The following ASTN2 variants were observed in gnomAD, a reference collection of about 807,000 sequenced individuals.
The protein encoded by ASTN2 is astrotactin 2, also known as astrotactin-2.
ASTN2 carries 54 observed loss-of-function variants against 139.8 expected under a neutral mutation model. The ratio of observed to expected loss-of-function variants is 0.39; its 90% CI spans 0.31 to 0.48. The LOEUF (loss-of-function observed/expected upper bound fraction) is 0.48. ASTN2 is among the 20% of genes least tolerant of loss of function. The probability of loss-of-function intolerance (pLI) is 0.95; values close to 1 mark genes in which losing one functional copy is unlikely to be tolerated. For missense variants in ASTN2, 1,565 were observed against 1,725.1 expected (o/e 0.91, Z 1.64); for synonymous variants, 756 against 719.5 (o/e 1.05, Z -0.81).
intron 3 of ASTN2, among the ~76,000 whole-genome samples, chr9:117,208,887 A>G (rs1221150929): frequency 6.6e-6 from 1 of 152,198 alleles, no homozygotes; most frequent in Non-Finnish European, 1.5e-5. Flanking sequence ...TATCCTTCAG[A>G]AATGAAGAAG....
intron 10 of ASTN2, among the ~76,000 whole-genome samples, chr9:116,931,437 C>T (rs1834895984): frequency 6.6e-6 from 1 of 152,174 alleles, no homozygotes; most frequent in Non-Finnish European, 1.5e-5. Context: ...TTGGGAGGGG[C>T]ATCAGGCAAC....
At chr9:116,610,619 A>C (rs185909008) in intron 19 of ASTN2, among the ~76,000 whole-genome samples, 2 of 152,208 alleles carry the variant, frequency 1.3e-5, no homozygotes, top group African/African-American at 2.4e-5. Flanking sequence ...ACAAAAAAAA[A>C]GTAAAGTAAT....
chr9:117,385,963 G>T (rs1182350680), intron 1 of ASTN2, among the ~76,000 whole-genome samples: 1 of 152,138 alleles, frequency 6.6e-6, no homozygotes, highest in Non-Finnish European at 1.5e-5. Flanking sequence ...GGGCAATGGT[G>T]GGGGATGATA....
At chr9:116,491,979 A>T (rs934359543) in intron 19 of ASTN2, among the ~76,000 whole-genome samples, 1 of 152,210 alleles carries the variant, frequency 6.6e-6, no homozygotes, top group African/African-American at 2.4e-5. Flanking sequence ...GAGGAGAATA[A>T]TAGTATCTAA....
At chr9:116,891,784 T>A (rs1052283868) in intron 10 of ASTN2, among the ~76,000 whole-genome samples, 2 of 152,230 alleles carry the variant, frequency 1.3e-5, no homozygotes, top group Admixed American at 1.3e-4. Context: ...ATTACATATA[T>A]GTTTTTAAAG....
chr9:117,060,505 GAAA>G lies in ASTN2; in HGVS notation c.1277-20543_1277-20541del, dbSNP rs1564406816. Among the ~76,000 whole-genome samples, 624 of 89,516 alleles carry G rather than the reference GAAA, an allele frequency of 7.0e-3. 45 individuals carry two copies. Among genetic ancestry groups the G allele is most frequent in the Middle Eastern group, 0.021 (4 of 190 alleles). 58.7% of individuals were successfully genotyped at this position (89,516 alleles called of 152,430 possible). ...GGAAGGAATGAAAGAAAGAAAGAAA[GAAA>G]GAAAGGAAGGAAGGAAGGAAGGAAG... is the stretch of plus-strand genomic sequence containing the variant. On this transcript the variant is annotated intron_variant, in intron 5 of 22. Transcript: ENST00000313400.
In ASTN2 at chr9:117,119,990, A is replaced by G. The variant is rs7469158; in HGVS notation, c.1168+21336T>C. Among the ~76,000 whole-genome samples, 387 of 73,256 alleles carry G rather than the reference A, an allele frequency of 5.3e-3. 7 individuals are homozygous for G. The highest frequency in any genetic ancestry group is 0.016 in the South Asian group (29 of 1,870). The allele number at this position is 73,256 out of a possible 152,430, so 48.1% of individuals were successfully genotyped here. ...TATATAGATATCTCTATATATTTGT[A>G]TGTGTGTGTGTGTGTGTGTGTGTGT... On this transcript the variant is annotated intron_variant, in intron 4 of 22. Transcript: ENST00000313400.
At chr9:116,953,104 A>G (rs1356581871) in intron 10 of ASTN2, among the ~76,000 whole-genome samples, 1 of 152,216 alleles carries the variant, frequency 6.6e-6, no homozygotes, top group Non-Finnish European at 1.5e-5. Context: ...TGGAAAGGAC[A>G]GTTTGTGATT....
chr9:117,095,348 T>C (rs896907609), intron 5 of ASTN2, among the ~76,000 whole-genome samples: 3 of 152,250 alleles, frequency 2.0e-5, no homozygotes, highest in Admixed American at 1.3e-4. Context: ...CAGGGAACGA[T>C]GGATCTTGGC....
chr9:116,678,065 T>C (rs545163448), intron 16 of ASTN2, among the ~76,000 whole-genome samples: 18 of 152,354 alleles, frequency 1.2e-4, no homozygotes, highest in Admixed American at 3.3e-4. Flanking sequence ...TTTTTGTTCA[T>C]ATGACTTCAG....
intron 2 of ASTN2, among the ~76,000 whole-genome samples, chr9:117,240,274 G>A (rs1352328472): frequency 6.6e-6 from 1 of 152,110 alleles, no homozygotes; most frequent in African/African-American, 2.4e-5. Context: ...ATAAATTTGT[G>A]ACACTCTTGG....
At chr9:116,865,498 T>C (rs538217210) in intron 10 of ASTN2, among the ~76,000 whole-genome samples, 1 of 144,146 alleles carries the variant, frequency 6.9e-6, no homozygotes, top group South Asian at 2.2e-4. Context: ...GAGAGACTGA[T>C]CTACAGTGCG....
intron 11 of ASTN2, among the ~76,000 whole-genome samples, chr9:116,833,046 G>C (rs1831867829): frequency 6.6e-6 from 1 of 151,914 alleles, no homozygotes; most frequent in South Asian, 2.1e-4. Context: ...TTGGAGCTGA[G>C]GGGAGGAGGA....
At chr9:117,136,465 G>C (rs1199217565) in intron 4 of ASTN2, among the ~76,000 whole-genome samples, 4 of 152,196 alleles carry the variant, frequency 2.6e-5, no homozygotes, top group African/African-American at 9.7e-5. Context: ...CACAGCTGCA[G>C]ACCCTCTGGG....
At chr9:116,629,088 C>A (rs190584923) in intron 17 of ASTN2, among the ~76,000 whole-genome samples, 8 of 150,942 alleles carry the variant, frequency 5.3e-5, no homozygotes, top group Admixed American at 4.6e-4. Flanking sequence ...GCGGAGGCAG[C>A]AGCTTTTACT....
intron 13 of ASTN2, among the ~76,000 whole-genome samples, chr9:116,747,335 G>A (rs942117590): frequency 1.3e-5 from 2 of 152,288 alleles, no homozygotes; most frequent in Middle Eastern, 3.4e-3. Context: ...AAATATGCTG[G>A]TGAATGTTTA....
chr9:117,027,182 C>T (rs955028417), intron 6 of ASTN2, among the ~76,000 whole-genome samples: 3 of 152,146 alleles, frequency 2.0e-5, no homozygotes, highest in African/African-American at 7.2e-5. Context: ...ATTCTCCCAA[C>T]CCTACAGATT....
intron 3 of ASTN2, among the ~76,000 whole-genome samples, chr9:117,195,390 G>A (rs898645005): frequency 6.6e-6 from 1 of 152,162 alleles, no homozygotes; most frequent in Non-Finnish European, 1.5e-5. Flanking sequence ...TGTGTCTGGA[G>A]CATGGAGGGC....
At chr9:116,774,776 T>C (rs1830038062) in intron 13 of ASTN2, among the ~76,000 whole-genome samples, 1 of 152,158 alleles carries the variant, frequency 6.6e-6, no homozygotes, top group Non-Finnish European at 1.5e-5. Context: ...TCCCAGCAAA[T>C]GCTCTGCACC....
Sources: gnomAD v4.1 joint callset for allele counts (sites outside exome capture counted in the v4.1 genomes callset) on GRCh38, gnomAD v4.1.1 for gene constraint, MANE v1.5 for transcripts, NCBI Gene and HGNC (gene_info 2026-07-23, HGNC 2026-07-21) for gene names.